Variants in BMERB1 observed in about 807,000 individuals in gnomAD.
BMERB1 encodes the protein bMERB domain containing 1.
In BMERB1, 12 loss-of-function variants were observed where a neutral mutation model predicts 23.6. The ratio of observed to expected loss-of-function variants is 0.51; its 90% CI spans 0.33 to 0.82. The LOEUF is 0.82. Among genes scored for constraint, BMERB1 ranks in the 40% least tolerant of loss-of-function variants. The pLI, the probability that BMERB1 is intolerant of heterozygous loss-of-function variation, is 0.03. For synonymous variants in BMERB1, 122 were observed against 96.6 expected (o/e 1.26, Z -1.54); for missense variants, 247 against 255.4 (o/e 0.97, Z 0.22).
chr16:15,455,247 C>A (rs1001123867), intron 1 of BMERB1, among the ~76,000 whole-genome samples: 24 of 150,732 alleles, frequency 1.6e-4, no homozygotes, highest in Non-Finnish European at 3.2e-4. Context: ...TCACTTGAAC[C>A]CGGGAGATGG....
At chr16:15,544,863 C>CT (rs1567492850) in intron 2 of BMERB1, among the ~76,000 whole-genome samples, 2 of 152,234 alleles carry the variant, frequency 1.3e-5, no homozygotes, top group African/African-American at 4.8e-5. Flanking sequence ...GGAAGACACT[C>CT]TATCAGAGAA....
At chr16:15,551,197 T>C (rs1362226088) in intron 2 of BMERB1, among the ~76,000 whole-genome samples, 1 of 152,226 alleles carries the variant, frequency 6.6e-6, no homozygotes, top group African/African-American at 2.4e-5. Flanking sequence ...ATCATGAGAC[T>C]TGAAATTTTT....
intron 2 of BMERB1, among the ~76,000 whole-genome samples, chr16:15,555,905 C>T (rs1042024242): frequency 6.6e-6 from 1 of 152,200 alleles, no homozygotes; most frequent in Non-Finnish European, 1.5e-5. Flanking sequence ...GCTGGCCAGG[C>T]GCGGTGGCTC....
At chr16:15,586,616 T>A in intron 5 of BMERB1, 101 bp from the exon 6 acceptor site, 1 of 915,750 alleles carries the variant, frequency 1.1e-6, no homozygotes, top group South Asian at 1.4e-5. Flanking sequence ...TGGCCAGGGG[T>A]TGCAGTGGGG....
chr16:15,462,356 G>A (rs867453070), intron 1 of BMERB1, among the ~76,000 whole-genome samples: 1 of 151,848 alleles, frequency 6.6e-6, no homozygotes, highest in Non-Finnish European at 1.5e-5. Flanking sequence ...GTTTCACTAT[G>A]TTGGCCAGGC....
intron 1 of BMERB1, among the ~76,000 whole-genome samples, chr16:15,478,421 A>C (rs2051290825): frequency 6.6e-6 from 1 of 152,120 alleles, no homozygotes; most frequent in South Asian, 2.1e-4. Context: ...TCAGCCTCCC[A>C]AAGTGTTGGG....
In BMERB1 at chr16:15,482,841, T is replaced by C. The variant is rs549958681; in HGVS notation, c.107-32464T>C. Among the ~76,000 whole-genome samples, 7 of 152,348 alleles carry C rather than the reference T, an allele frequency of 4.6e-5. No homozygotes were observed. In the South Asian group the frequency reaches 1.4e-3, roughly 32 times the overall value. Reference sequence around the variant, plus strand: ...TCAGCATTTATCCTATGTCAGGTACTGATGCTTCAAGCTTTACATGCGTTG... The same window carrying C: ...TCAGCATTTATCCTATGTCAGGTACCGATGCTTCAAGCTTTACATGCGTTG... On this transcript the variant is annotated intron_variant, in intron 1 of 5. Transcript: ENST00000300006.
intron 2 of BMERB1, among the ~76,000 whole-genome samples, chr16:15,519,524 G>C (rs2150954599): frequency 6.6e-6 from 1 of 152,260 alleles, no homozygotes; most frequent in Non-Finnish European, 1.5e-5. Context: ...CCAAGTAGCT[G>C]AGACTACAGG....
intron 1 of BMERB1, among the ~76,000 whole-genome samples, chr16:15,451,552 C>CTTTTTTTTTTTTT (rs35544766): frequency 4.8e-5 from 4 of 84,022 alleles, no homozygotes; most frequent in Admixed American, 1.6e-4. Flanking sequence ...CTTAGTATTT[C>CTTTTTTTTTTTTT]TTTTTTTTTT....
rs533086729 is a variant in BMERB1, at chr16:15,447,045, A to G, written c.106+12286A>G. On this transcript the variant is annotated intron_variant, in intron 1 of 5. Coordinates refer to ENST00000300006, the MANE Select transcript of BMERB1 (RefSeq NM_033201.3). ...TTGAATCCTGGCTTTACCACTTCAT[A>G]ATAGTTGCGTGATCTTGGGCTAGTT... 3.3e-5 allele frequency among the ~76,000 whole-genome samples: 5 copies of G among 152,306 alleles called. No individual in the cohort carries two copies. The South Asian group carries it at 8.3e-4, about 25-fold the overall frequency.
intron 1 of BMERB1, among the ~76,000 whole-genome samples, chr16:15,460,272 C>G (rs573883321): frequency 1.2e-4 from 19 of 152,194 alleles, no homozygotes; most frequent in African/African-American, 3.6e-4. Flanking sequence ...AAGACAGTTT[C>G]CAAACTAAAG....
chr16:15,505,817 G>A (rs1215725650), intron 1 of BMERB1, among the ~76,000 whole-genome samples: 1 of 151,472 alleles, frequency 6.6e-6, no homozygotes, highest in Non-Finnish European at 1.5e-5. Flanking sequence ...GAATTCAGGA[G>A]GCAGAGCTTG....
At chr16:15,449,949 A>T (rs149351563) in intron 1 of BMERB1, among the ~76,000 whole-genome samples, 90 of 151,020 alleles carry the variant, frequency 6.0e-4, no homozygotes, top group African/African-American at 2.1e-3. Context: ...ATGGGGTCTC[A>T]CTATGTTGCC....
chr16:15,522,636 C>T (rs1032860532), intron 2 of BMERB1, among the ~76,000 whole-genome samples: 3 of 152,142 alleles, frequency 2.0e-5, no homozygotes, highest in African/African-American at 7.2e-5. Context: ...GTCTCTTGCC[C>T]ATGGTTGTAC....
At chr16:15,545,010 T>C (rs2052120227) in intron 2 of BMERB1, among the ~76,000 whole-genome samples, 1 of 152,080 alleles carries the variant, frequency 6.6e-6, no homozygotes, top group Non-Finnish European at 1.5e-5. Context: ...TCTCGCTCTA[T>C]CACCCAGGCT....
chr16:15,549,408 C>T (rs1157120006), intron 2 of BMERB1, among the ~76,000 whole-genome samples: 5 of 145,252 alleles, frequency 3.4e-5, no homozygotes, highest in African/African-American at 5.1e-5. Context: ...GGGCCGGGTG[C>T]GGTGGCTCAC....
At chr16:15,487,547 A>G (rs942914928) in intron 1 of BMERB1, among the ~76,000 whole-genome samples, 1 of 152,216 alleles carries the variant, frequency 6.6e-6, no homozygotes, top group African/African-American at 2.4e-5. Context: ...AAAGAACTCA[A>G]GGCGAATCCA....
At chr16:15,526,944 TATA>T (rs1354206094) in intron 2 of BMERB1, among the ~76,000 whole-genome samples, 6 of 148,036 alleles carry the variant, frequency 4.1e-5, no homozygotes, top group Non-Finnish European at 7.4e-5. Context: ...AATAATAAAA[TATA>T]ATAAATCATA....
intron 2 of BMERB1, among the ~76,000 whole-genome samples, chr16:15,555,795 C>T (rs1243766101): frequency 2.6e-5 from 4 of 152,180 alleles, no homozygotes; most frequent in South Asian, 2.1e-4. Flanking sequence ...TATCCTTACC[C>T]AGGGATAGCG....
Sources: allele counts gnomAD v4.1 joint callset (sites outside exome capture counted in the v4.1 genomes callset), GRCh38; gene constraint gnomAD v4.1.1; transcripts MANE v1.5; gene names NCBI Gene and HGNC (gene_info 2026-07-23, HGNC 2026-07-21).